The following PTGIS variants were observed in gnomAD, a reference collection of about 807,000 sequenced individuals.
PTGIS encodes prostacyclin synthase.
Under a neutral mutation model 50.3 loss-of-function variants are expected in PTGIS, and 45 were observed. That is an observed-to-expected ratio of 0.90 (90% confidence interval 0.70 to 1.15). The LOEUF (loss-of-function observed/expected upper bound fraction) is 1.15. PTGIS is among the 50% of genes most tolerant of loss of function. The probability of loss-of-function intolerance (pLI) is 0.00; values close to 1 mark genes in which losing one functional copy is unlikely to be tolerated. For missense variants in PTGIS, 668 were observed against 661.3 expected, an observed-to-expected ratio of 1.01 and a Z score of -0.11; for synonymous variants, 260 against 267.7, an observed-to-expected ratio of 0.97 and a Z score of 0.28.
intron 6 of PTGIS, among the ~76,000 whole-genome samples, chr20:49,516,359 C>T (rs922570941): frequency 6.6e-6 from 1 of 152,156 alleles, no homozygotes; most frequent in Non-Finnish European, 1.5e-5. Context: ...CTCACTGCAA[C>T]CTCCACCTCC....
chr20:49,511,045 C>G lies in PTGIS; in HGVS notation c.1341G>C (p.Ala447=). Residue 447 remains alanine, a synonymous_variant, in exon 9 of 10, where the codon GCG becomes GCC. Transcript: ENST00000244043. ...GHNHCLGRSY[A]VNSIKQFVFL... is the part of the protein sequence containing the mutation. The stretch of plus-strand genomic sequence containing the variant: ...CCACTCACTGTTTGATGCTGTTGAC[C>G]GCATAACTCCTCCCCAGGCAGTGAT... 6.2e-7 allele frequency: 1 copy of G among 1,613,598 alleles called. No individual in the cohort carries two copies. Among genetic ancestry groups the G allele is most frequent in the South Asian group, 1.1e-5 (1 of 91,042 alleles).
chr20:49,519,202 G>A (rs535758241), intron 6 of PTGIS, among the ~76,000 whole-genome samples: 12 of 147,212 alleles, frequency 8.2e-5, no homozygotes, highest in African/African-American at 2.5e-4. Flanking sequence ...CTTAGGTCTC[G>A]GCCCACAGAG....
intron 5 of PTGIS, among the ~76,000 whole-genome samples, chr20:49,539,322 C>G (rs1042351549): frequency 6.6e-6 from 1 of 152,228 alleles, no homozygotes; most frequent in Non-Finnish European, 1.5e-5. Context: ...CACACACACA[C>G]AGAGATTCTC....
chr20:49,512,430 C>T (rs1387430959), intron 8 of PTGIS, among the ~76,000 whole-genome samples: 13 of 145,934 alleles, frequency 8.9e-5, no homozygotes, highest in African/African-American at 2.5e-4. Flanking sequence ...AATGGATGGG[C>T]GGATGGATAG....
intron 5 of PTGIS, among the ~76,000 whole-genome samples, chr20:49,537,196 C>T (rs1326545166): frequency 1.3e-5 from 2 of 152,122 alleles, no homozygotes; most frequent in East Asian, 1.9e-4. Flanking sequence ...GAGGGACCTA[C>T]GTTATGAAGA....
chr20:49,544,343 C>T lies in PTGIS; in HGVS notation c.483G>A (p.Glu161=). Residue 161 remains glutamate (E), a synonymous_variant, in exon 4 of 10, where the codon GAG becomes GAA. Transcript: ENST00000244043. ...DATEAGSGWH[E]MGLLDFSYSF... ...TGTAGGAGAAGTCGAGGAGACCCAT[C>T]TCGTGCCAGCCACTGCCTGCTTCTG... 6.2e-7 allele frequency: 1 copy of T among 1,614,200 alleles called. No homozygotes were observed. The highest frequency in any genetic ancestry group is 8.5e-7 in the Non-Finnish European group (1 of 1,180,022).
At chr20:49,564,099 C>A (rs991072140) in intron 1 of PTGIS, among the ~76,000 whole-genome samples, 1 of 152,282 alleles carries the variant, frequency 6.6e-6, no homozygotes, top group South Asian at 2.1e-4. Flanking sequence ...GAATGGGGCT[C>A]GAAAATTCTT....
intron 1 of PTGIS, among the ~76,000 whole-genome samples, chr20:49,558,933 G>A (rs1220025774): frequency 1.3e-5 from 2 of 152,116 alleles, no homozygotes; most frequent in South Asian, 2.1e-4. Context: ...GGCTGGTCTC[G>A]AACTCCTGAT....
At chr20:49,566,184 C>T (rs1483196508) in intron 1 of PTGIS, among the ~76,000 whole-genome samples, 1 of 151,928 alleles carries the variant, frequency 6.6e-6, no homozygotes, top group Non-Finnish European at 1.5e-5. Flanking sequence ...GAGCCGAGAT[C>T]GTGCCATTGC....
In PTGIS at chr20:49,539,663, C is replaced by A; in HGVS notation, c.580G>T (p.Ala194Ser). 6.2e-7 allele frequency: 1 copy of A among 1,613,894 alleles called. No individual in the cohort carries two copies. Residue 194 changes from alanine (A) to serine (S), a missense_variant, in exon 5 of 10, where the codon GCC (alanine) becomes TCC (serine). Ala to Ser is a moderately conservative substitution (Grantham distance 99, BLOSUM62 1). Coordinates refer to ENST00000244043, the MANE Select transcript of PTGIS (RefSeq NM_000961.4). ...TCAGCTGAGTGGACGCGGTCCTGGG[C>A]CTGGCTTTCATGGGTGCGTGGCAGC... ...EALPRTHESQ[A>S]QDRVHSADVF...
intron 9 of PTGIS, among the ~76,000 whole-genome samples, chr20:49,509,410 T>C (rs759184830): frequency 7.2e-5 from 11 of 152,238 alleles, no homozygotes; most frequent in Non-Finnish European, 1.6e-4. Context: ...CTAGGCACCA[T>C]CTAAGCATTT....
chr20:49,562,146 G>A (rs1414146574), intron 1 of PTGIS, among the ~76,000 whole-genome samples: 3 of 152,176 alleles, frequency 2.0e-5, no homozygotes, highest in African/African-American at 7.2e-5. Flanking sequence ...TCTGGCTGCA[G>A]TGCCCACCCT....
chr20:49,534,279 T>C (rs1982013587), intron 5 of PTGIS, among the ~76,000 whole-genome samples: 1 of 152,240 alleles, frequency 6.6e-6, no homozygotes, highest in South Asian at 2.1e-4. Flanking sequence ...ATCAAAGGAA[T>C]GTGCATTTTA....
chr20:49,518,916 ACC>A (rs1336071136), intron 6 of PTGIS, among the ~76,000 whole-genome samples: 11 of 152,180 alleles, frequency 7.2e-5, no homozygotes, highest in Non-Finnish European at 1.6e-4. Context: ...ACCTCTCAGG[ACC>A]ACCCAGGAAT....
chr20:49,563,878 GT>G (rs1183988967), intron 1 of PTGIS, among the ~76,000 whole-genome samples: 1 of 152,206 alleles, frequency 6.6e-6, no homozygotes, highest in Non-Finnish European at 1.5e-5. Flanking sequence ...GCTCCCTGTG[GT>G]GGTCACACAA....
Position 49,523,001 on chromosome 20 carries a change from C to T in PTGIS, c.855+1057G>A, listed in dbSNP as rs141231262. 2.8e-3 allele frequency among the ~76,000 whole-genome samples: 429 copies of T among 151,692 alleles called. 4 individuals are homozygous for T. Among genetic ancestry groups the T allele is most frequent in the African/African-American group, 9.7e-3 (399 of 41,346 alleles). ...ATTATGCCACTGCACTCCAGCCTGG[C>T]GACAGAGCAAGACTCCATCTCAAAA... On this transcript the variant is annotated intron_variant, in intron 6 of 9. Coordinates refer to ENST00000244043, the MANE Select transcript of PTGIS (RefSeq NM_000961.4).
chr20:49,549,144 A>G (rs1280123969), intron 2 of PTGIS, among the ~76,000 whole-genome samples: 1 of 152,202 alleles, frequency 6.6e-6, no homozygotes, highest in Non-Finnish European at 1.5e-5. Context: ...GATAAACAGA[A>G]AAATGAAAGT....
At chr20:49,554,718 T>C (rs1217314448) in intron 1 of PTGIS, among the ~76,000 whole-genome samples, 1 of 152,170 alleles carries the variant, frequency 6.6e-6, no homozygotes, top group Non-Finnish European at 1.5e-5. Context: ...TAATTAAACA[T>C]TAACATCAAA....
At position 49,507,943 on chromosome 20, in the gene PTGIS, C is replaced by G. The variant is rs142254215; in HGVS notation, c.1480G>C (p.Val494Leu). Residue 494 changes from valine to leucine, a missense_variant, in exon 10 of 10, where the codon GTC becomes CTC. By Grantham distance (32) the Val-to-Leu change is conservative. Coordinates refer to ENST00000244043, the MANE Select transcript of PTGIS (RefSeq NM_000961.4). Reference protein sequence around the residue: ...GLMQPEHDVPVRYRIRP With the variant: ...GLMQPEHDVPLRYRIRP ...TGTCATGGGCGGATGCGGTAGCGGACGGGCACGTCGTGTTCCGGCTGCATC... is the reference window on the plus strand; with the variant it reads ...TGTCATGGGCGGATGCGGTAGCGGAGGGGCACGTCGTGTTCCGGCTGCATC... 8 of 1,612,840 alleles carry G rather than the reference C, an allele frequency of 5.0e-6. No homozygotes were observed. In the South Asian group the frequency reaches 5.5e-5, roughly 11 times the overall value.
Sources: gnomAD v4.1 joint callset for allele counts (sites outside exome capture counted in the v4.1 genomes callset) on GRCh38, gnomAD v4.1.1 for gene constraint, MANE v1.5 for transcripts, NCBI Gene and HGNC (gene_info 2026-07-23, HGNC 2026-07-21) for gene names.